The following CNTN4 variants were observed in gnomAD, a reference collection of about 807,000 sequenced individuals.
CNTN4 encodes the protein contactin-4.
In CNTN4, 77 loss-of-function variants were observed where a neutral mutation model predicts 122.5. The observed-to-expected ratio is 0.63, with a 90% CI of 0.52 to 0.76. The LOEUF (loss-of-function observed/expected upper bound fraction) is 0.76, where lower values mean the gene tolerates loss of function less well. CNTN4 is among the 30% of genes least tolerant of loss of function. The pLI, the probability that CNTN4 is intolerant of heterozygous loss-of-function variation, is 0.00. For missense variants in CNTN4, 1,256 were observed against 1,259.1 expected, an observed-to-expected ratio of 1.00 and a Z score of 0.04; for synonymous variants, 512 against 447.0, an observed-to-expected ratio of 1.15 and a Z score of -1.83.
chr3:2,119,502 C>T (rs764944365), intron 2 of CNTN4, among the ~76,000 whole-genome samples: 1 of 152,182 alleles, frequency 6.6e-6, no homozygotes, highest in African/African-American at 2.4e-5. Context: ...CCAAATACTG[C>T]CATCTCCAAC....
intron 2 of CNTN4, among the ~76,000 whole-genome samples, chr3:2,202,277 T>C (rs941686640): frequency 6.6e-6 from 1 of 152,198 alleles, no homozygotes; most frequent in Admixed American, 6.5e-5. Context: ...TTAAGGTTCC[T>C]AGTTCTTATT....
intron 2 of CNTN4, among the ~76,000 whole-genome samples, chr3:2,220,016 A>G (rs2038999372): frequency 6.6e-6 from 1 of 152,166 alleles, no homozygotes; most frequent in African/African-American, 2.4e-5. Context: ...CAATTGATCA[A>G]TATTTCAGTA....
At position 2,388,606 on chromosome 3, in the gene CNTN4, A is replaced by T. The variant is rs368851302; in HGVS notation, c.-89+49373A>T. Among the ~76,000 whole-genome samples the T allele has an allele frequency of 1.2e-4, 18 of 152,358 alleles. No individual in the cohort carries two copies. In the East Asian group the frequency reaches 2.7e-3, roughly 23 times the overall value. Reference sequence around the variant, plus strand: ...ACGCCTGTAATCACAGCAATTTGGGAGGCCGAGGCAGGCAGATCACTGGAG... The same window carrying T: ...ACGCCTGTAATCACAGCAATTTGGGTGGCCGAGGCAGGCAGATCACTGGAG... On this transcript the variant is annotated intron_variant, in intron 3 of 24. Transcript: ENST00000418658.
At chr3:2,568,076 C>CT (rs1230437370) in intron 3 of CNTN4, among the ~76,000 whole-genome samples, 3 of 152,050 alleles carry the variant, frequency 2.0e-5, no homozygotes, top group African/African-American at 7.2e-5. Context: ...AACACGATTA[C>CT]TTTTTTTGTT....
intron 3 of CNTN4, among the ~76,000 whole-genome samples, chr3:2,377,799 TTGTTAG>T (rs1423599010): frequency 6.6e-6 from 1 of 152,020 alleles, no homozygotes; most frequent in African/African-American, 2.4e-5. Flanking sequence ...TCATCAGTTA[TTGTTAG>T]TGTTAGTGTA....
intron 2 of CNTN4, among the ~76,000 whole-genome samples, chr3:2,216,459 A>T (rs1559349781): frequency 6.6e-6 from 1 of 152,140 alleles, no homozygotes; most frequent in Non-Finnish European, 1.5e-5. Context: ...TGGGTGATGA[A>T]ATAATCTCTA....
At chr3:2,270,914 G>A (rs977621675) in intron 2 of CNTN4, among the ~76,000 whole-genome samples, 1 of 152,082 alleles carries the variant, frequency 6.6e-6, no homozygotes, top group Non-Finnish European at 1.5e-5. Context: ...AGGCGTGCAG[G>A]CTGTGGTCAG....
chr3:2,935,968 T>G (rs921983585), intron 13 of CNTN4, among the ~76,000 whole-genome samples: 3 of 152,082 alleles, frequency 2.0e-5, no homozygotes, highest in African/African-American at 4.8e-5. Context: ...AGAAATGTAT[T>G]TGAAAGGAAA....
chr3:2,768,355 T>A (rs781344206), intron 6 of CNTN4, among the ~76,000 whole-genome samples: 23 of 152,238 alleles, frequency 1.5e-4, no homozygotes, highest in Non-Finnish European at 2.8e-4. Flanking sequence ...AAAATCAATG[T>A]GGCTACAGTT....
chr3:3,003,707 A>AC (rs1559776084), intron 14 of CNTN4, among the ~76,000 whole-genome samples: 2 of 150,246 alleles, frequency 1.3e-5, no homozygotes, highest in African/African-American at 4.9e-5. Flanking sequence ...AAAAAAAAAA[A>AC]AAAAAAACAA....
At chr3:3,048,076 C>G (rs559391362) in intron 23 of CNTN4, among the ~76,000 whole-genome samples, 17 of 152,138 alleles carry the variant, frequency 1.1e-4, no homozygotes, top group African/African-American at 3.9e-4. Flanking sequence ...AGCCAGACAC[C>G]CTACACCTCC....
At chr3:2,749,553 A>G (rs1346612172) in intron 6 of CNTN4, among the ~76,000 whole-genome samples, 1 of 152,172 alleles carries the variant, frequency 6.6e-6, no homozygotes, top group African/African-American at 2.4e-5. Context: ...GTATATTTTA[A>G]GAGAACTGAG....
intron 13 of CNTN4, among the ~76,000 whole-genome samples, chr3:2,980,697 A>G (rs1282640565): frequency 6.6e-6 from 1 of 152,222 alleles, no homozygotes; most frequent in Non-Finnish European, 1.5e-5. Context: ...TTAATAGGCA[A>G]AAGAAAGAGA....
chr3:2,294,525 A>G lies in CNTN4; in HGVS notation c.-144-44653A>G, dbSNP rs147451673. On this transcript the variant is annotated intron_variant, in intron 2 of 24. Coordinates refer to ENST00000418658, the MANE Select transcript of CNTN4 (RefSeq NM_175607.3). ...AGACACCTGTAATCCAAGCTACTCGACAGGCTGAGATGGGAGGATCGCTTG... is the reference window on the plus strand; with the variant it reads ...AGACACCTGTAATCCAAGCTACTCGGCAGGCTGAGATGGGAGGATCGCTTG... 2.2e-3 allele frequency among the ~76,000 whole-genome samples: 340 copies of G among 152,198 alleles called. 1 individual carries two copies. Among genetic ancestry groups the G allele is most frequent in the African/African-American group, 7.5e-3 (313 of 41,542 alleles).
At chr3:2,400,486 A>C (rs1455664610) in intron 3 of CNTN4, among the ~76,000 whole-genome samples, 1 of 142,018 alleles carries the variant, frequency 7.0e-6, no homozygotes, top group African/African-American at 2.5e-5. Flanking sequence ...TTATTACAAG[A>C]TATTGGAATC....
intron 2 of CNTN4, among the ~76,000 whole-genome samples, chr3:2,230,734 C>T (rs887691791): frequency 5.3e-5 from 8 of 152,056 alleles, no homozygotes; most frequent in African/African-American, 1.7e-4. Context: ...TCTGTAATCC[C>T]AGCATTTTGG....
chr3:2,335,741 T>A (rs1053944412), intron 2 of CNTN4, among the ~76,000 whole-genome samples: 2 of 152,138 alleles, frequency 1.3e-5, no homozygotes, highest in Admixed American at 1.3e-4. Flanking sequence ...ATTTTCCCAG[T>A]GAGGTGTGAA....
chr3:2,273,454 T>C (rs2041380587), intron 2 of CNTN4, among the ~76,000 whole-genome samples: 1 of 152,218 alleles, frequency 6.6e-6, no homozygotes, highest in Admixed American at 6.5e-5. Flanking sequence ...TCTTGTACTA[T>C]TGATGTCTTA....
At chr3:2,211,037 A>G (rs1448951927) in intron 2 of CNTN4, among the ~76,000 whole-genome samples, 1 of 152,164 alleles carries the variant, frequency 6.6e-6, no homozygotes, top group East Asian at 1.9e-4. Context: ...GGTAATTTGT[A>G]AGAAAAGAGG....
Sources: allele counts gnomAD v4.1 joint callset (sites outside exome capture counted in the v4.1 genomes callset), GRCh38; gene constraint gnomAD v4.1.1; transcripts MANE v1.5; gene names NCBI Gene and HGNC (gene_info 2026-07-23, HGNC 2026-07-21).